Variants in ITFG2 observed in about 807,000 individuals in gnomAD.
The protein encoded by ITFG2 is KICSTOR complex protein ITFG2.
A neutral mutation model predicts 54.4 loss-of-function variants in ITFG2; 36 were observed. The ratio of observed to expected loss-of-function variants is 0.66; its 90% CI spans 0.51 to 0.87. The LOEUF is 0.87. Among genes scored for constraint, ITFG2 ranks in the 40% least tolerant of loss-of-function variants. ITFG2 has a pLI of 0.00. For missense variants in ITFG2, 524 were observed against 576.7 expected, an observed-to-expected ratio of 0.91 and a Z score of 0.94; for synonymous variants, 211 against 225.4, an observed-to-expected ratio of 0.94 and a Z score of 0.57.
At chr12:2,834,195 G>A (rs964382145), upstream of ITFG2, among the ~76,000 whole-genome samples, 1 of 152,172 alleles carries the variant, frequency 6.6e-6, no homozygotes, top group African/African-American at 2.4e-5. Context: ...GGAGACCCCC[G>A]ATGTTTTGAT....
intron 2 of ITFG2, among the ~76,000 whole-genome samples, chr12:2,856,011 C>T (rs533737694): frequency 5.9e-5 from 9 of 152,258 alleles, no homozygotes; most frequent in Admixed American, 2.6e-4. Flanking sequence ...TAGAAAGCAT[C>T]TAGAATGGCA....
intron 3 of ITFG2, chr12:2,858,976 C>T: frequency 6.2e-7 from 1 of 1,613,444 alleles, no homozygotes; most frequent in Non-Finnish European, 8.5e-7. Flanking sequence ...CCCAGGGGGT[C>T]AGGCAAGGGG....
chr12:2,818,521 G>A (rs1396009210), intron 4 of ITFG2: 2 of 626,530 alleles, frequency 3.2e-6, no homozygotes. Context: ...ATATAGGCTA[G>A]GTGTGCTGCC....
chr12:2,818,328 A>T (rs1319601991), intron 4 of ITFG2, 51 bp downstream of exon 4: 2 of 1,601,496 alleles, frequency 1.2e-6, no homozygotes, highest in African/African-American at 1.3e-5. Flanking sequence ...GTCAGTGGAT[A>T]CTAGAGCATA....
At position 2,817,946 on chromosome 12, in the gene ITFG2, G is replaced by A. The variant is rs749808768; in HGVS notation, c.230G>A (p.Gly77Glu). Residue 77 changes from glycine to glutamate, a missense_variant, in exon 3 of 12, where the codon GGA (glycine) becomes GAA (glutamate). Transcript: ENST00000228799. ...GGGGTTGGAGACGTGTGTAATAAAG[G>A]AAAGGTAAGAACTATAGGGGACCTT... is the stretch of plus-strand genomic sequence containing the variant. ...CVGVGDVCNK[G>E]KNLLVAVSAE... 6.2e-7 allele frequency: 1 copy of A among 1,613,720 alleles called. No homozygotes were observed.
chr12:2,852,148 T>C (rs1438681383), intron 2 of ITFG2, among the ~76,000 whole-genome samples: 1 of 152,252 alleles, frequency 6.6e-6, no homozygotes, highest in Admixed American at 6.5e-5. Flanking sequence ...TCCTGTTATG[T>C]GTCCTGCCTT....
chr12:2,851,089 C>A (rs1210993842), intron 2 of ITFG2, among the ~76,000 whole-genome samples: 2 of 143,910 alleles, frequency 1.4e-5, no homozygotes, highest in Admixed American at 7.2e-5. Context: ...ATCGCTTGAA[C>A]CCAGGAGGCA....
chr12:2,822,720 C>T (rs1166099859), intron 9 of ITFG2, 74 bp from the exon 10 acceptor site: 2 of 1,302,350 alleles, frequency 1.5e-6, no homozygotes, highest in Non-Finnish European at 2.2e-6. Flanking sequence ...GAAATTCCTC[C>T]CCAGCTCGCT....
chr12:2,834,495 T>G, upstream of ITFG2: 1 of 1,155,022 alleles, frequency 8.7e-7, no homozygotes, highest in South Asian at 1.9e-5. Flanking sequence ...GAGCCTTGAG[T>G]TGGCAGGATG....
intron 2 of ITFG2, chr12:2,857,972 C>T (rs2098094093): frequency 6.5e-6 from 1 of 152,684 alleles, no homozygotes; most frequent in African/African-American, 2.4e-5. Flanking sequence ...ACTCCTGACC[C>T]AATACAAAAG....
chr12:2,855,102 G>A (rs1028333648), intron 2 of ITFG2: 21 of 1,535,484 alleles, frequency 1.4e-5, no homozygotes, highest in Admixed American at 2.0e-5. Context: ...AGGGAGGGGG[G>A]ATGGGGTGCT....
rs1002057135 is a variant in ITFG2 at position 2,845,010 on chromosome 12, A to G, written n.300+4015A>G. Among the ~76,000 whole-genome samples, 10 of 152,280 alleles carry G rather than the reference A, an allele frequency of 6.6e-5. No homozygotes were observed. In the East Asian group the frequency reaches 1.7e-3, roughly 26 times the overall value. On this transcript the variant is annotated intron_variant and non_coding_transcript_variant, in intron 2 of 3. Coordinates refer to the ITFG2 transcript ENST00000537710. This position sits in a 1 kb window ranked among gnomAD's most constrained non-coding sequence, Gnocchi z 4.2. ...GGGAATGAACTGGCTTGGGACTAAC[A>G]TAAGTGGAGCAGCTATGTGAAGAGC...
At position 2,855,172 on chromosome 12, in the gene ITFG2, T is replaced by C. The variant is rs1398533498; in HGVS notation, n.301-2840T>C. 2.0e-6 allele frequency: 3 copies of C among 1,516,774 alleles called. No individual in the cohort carries two copies. The South Asian group carries it at 3.7e-5, about 19-fold the overall frequency. 94.0% of individuals were successfully genotyped at this position (1,516,774 alleles called of 1,614,324 possible). A position where few individuals can be genotyped will look rare whatever the true frequency, so the allele number is the denominator to read the frequency against. ...CAGCCAGCGCCAGACATTGCTATCG[T>C]AGGGCCTGTCAGGCTGGGTGGGGAA... On this transcript the variant is annotated intron_variant and non_coding_transcript_variant, in intron 2 of 3. Transcript: ENST00000537710.
chr12:2,859,787 T>C, exon 4 of ITFG2: 1 of 704,814 alleles, frequency 1.4e-6, no homozygotes, highest in Non-Finnish European at 2.3e-6. Flanking sequence ...AATATGAGAA[T>C]ACGATGTATG....
intron 2 of ITFG2, among the ~76,000 whole-genome samples, chr12:2,846,409 C>T (rs555008445): frequency 1.3e-5 from 2 of 152,288 alleles, no homozygotes; most frequent in South Asian, 2.1e-4. Flanking sequence ...GGGCCTCTCG[C>T]TGTGAGGTGG....
chr12:2,855,244 G>C (rs1239564943), intron 2 of ITFG2: 1 of 1,508,810 alleles, frequency 6.6e-7, no homozygotes, highest in South Asian at 1.2e-5. Flanking sequence ...AAAGCCCCAG[G>C]TGTGCTGGGC....
chr12:2,818,033 G>C, intron 3 of ITFG2, 73 bp from the exon 4 acceptor site: 1 of 1,609,104 alleles, frequency 6.2e-7, no homozygotes. Flanking sequence ...TCTGACCTCT[G>C]TGATCTGATG....
At position 2,817,468 on chromosome 12, in the gene ITFG2, G is replaced by A. The variant is rs755715039; in HGVS notation, c.192+150G>A. The stretch of plus-strand genomic sequence containing the variant: ...ACTGACTTGCAGCCAATTTGATTCA[G>A]GGAGGGCAGCCCCCAGCTAGTGCTC... On this transcript the variant is annotated intron_variant, in intron 2 of 11. Coordinates refer to ENST00000228799, the MANE Select transcript of ITFG2 (RefSeq NM_018463.4). 6.6e-6 allele frequency: 4 copies of A among 608,556 alleles called. No individual in the cohort carries two copies. The Admixed American group carries it at 1.2e-4, about 18-fold the overall frequency. The allele number at this position is 608,556 out of a possible 1,614,324, so 37.7% of individuals were successfully genotyped here. A position where few individuals can be genotyped will look rare whatever the true frequency, so the allele number is the denominator to read the frequency against.
chr12:2,823,646 A>AT, intron 10 of ITFG2, 124 bp from the exon 11 acceptor site: 3 of 1,224,680 alleles, frequency 2.4e-6, no homozygotes, highest in Non-Finnish European at 3.3e-6. Context: ...ATAACCTTTA[A>AT]TTTTTTTCCT....
Sources: gnomAD v4.1 joint callset for allele counts (sites outside exome capture counted in the v4.1 genomes callset) on GRCh38, gnomAD v4.1.1 for gene constraint, Gnocchi (gnomAD v3.1) non-coding constraint, MANE v1.5 for transcripts, NCBI Gene and HGNC (gene_info 2026-07-23, HGNC 2026-07-21) for gene names.